CALD1: variants seen among roughly 807,000 people sequenced by gnomAD.
The protein encoded by CALD1 is caldesmon 1, also known as caldesmon.
In CALD1, 33 loss-of-function variants were observed where a neutral mutation model predicts 99.9. The observed-to-expected ratio is 0.33, with a 90% CI of 0.25 to 0.44. The LOEUF (loss-of-function observed/expected upper bound fraction) is 0.44, where lower values mean the gene tolerates loss of function less well. Ranked by LOEUF, CALD1 falls within the 20% of genes least tolerant of loss-of-function variation. CALD1 has a pLI of 1.00. For synonymous variants in CALD1, 310 were observed against 325.0 expected (o/e 0.95, Z 0.50); for missense variants, 861 against 962.1 (o/e 0.89, Z 1.39).
intron 3 of CALD1, among the ~76,000 whole-genome samples, chr7:134,903,273 C>T (rs1232887836): frequency 3.3e-5 from 5 of 151,974 alleles, no homozygotes; most frequent in Admixed American, 3.3e-4. Flanking sequence ...CAAGAGTGAA[C>T]CCTAATGTAA....
the CALD1 span, among the ~76,000 whole-genome samples, chr7:134,724,337 C>A: frequency 6.6e-6 from 1 of 152,130 alleles, no homozygotes; most frequent in Non-Finnish European, 1.5e-5. Flanking sequence ...TGGGAAAGGC[C>A]TTTGAGAAGG....
intron 4 of CALD1, among the ~76,000 whole-genome samples, chr7:134,931,586 A>C (rs1805524082): frequency 6.6e-6 from 1 of 152,214 alleles, no homozygotes; most frequent in South Asian, 2.1e-4. Flanking sequence ...GTTTGGTCTG[A>C]ACTATGAAAT....
chr7:134,886,210 G>A (rs1801845252), intron 3 of CALD1, among the ~76,000 whole-genome samples: 1 of 152,176 alleles, frequency 6.6e-6, no homozygotes, highest in Non-Finnish European at 1.5e-5. Context: ...GCAAACAAGA[G>A]TGGGCTCAAG....
chr7:134,786,837 C>T (rs1480684170), intron 1 of CALD1, among the ~76,000 whole-genome samples: 3 of 152,204 alleles, frequency 2.0e-5, no homozygotes, highest in Non-Finnish European at 4.4e-5. Flanking sequence ...TTATACAATG[C>T]TGCCCAATCT....
At chr7:134,930,202 T>C (rs977094044) in intron 4 of CALD1, among the ~76,000 whole-genome samples, 4 of 152,178 alleles carry the variant, frequency 2.6e-5, no homozygotes, top group Non-Finnish European at 5.9e-5. Context: ...ATCAGGGAAC[T>C]TGAGAATGCC....
chr7:134,732,356 T>G, the CALD1 span, among the ~76,000 whole-genome samples: 1 of 152,222 alleles, frequency 6.6e-6, no homozygotes, highest in Admixed American at 6.5e-5. Flanking sequence ...CTGGTGAAAT[T>G]CATATGTTGA....
At chr7:134,811,097 G>T (rs1001729157) in intron 1 of CALD1, among the ~76,000 whole-genome samples, 5 of 152,118 alleles carry the variant, frequency 3.3e-5, no homozygotes, top group Admixed American at 3.3e-4. Flanking sequence ...GACCAATAGG[G>T]TTTACTACTC....
rs1451926997 is a variant in CALD1, at chr7:134,933,565, G to C, written c.796G>C (p.Glu266Gln). 1.2e-6 allele frequency: 2 copies of C among 1,613,712 alleles called. No individual in the cohort carries two copies. Among genetic ancestry groups the C allele is most frequent in the Admixed American group, 1.7e-5 (1 of 59,958 alleles). ...KMEEEDKERA[E>Q]AERARLEAEE... ...GGAAGAGGAAGACAAGGAAAGAGCT[G>C]AGGCAGAGAGGGCAAGGTTGGAAGC... is the stretch of plus-strand genomic sequence containing the variant. Residue 266 changes from glutamate (E) to glutamine (Q), a missense_variant, in exon 5 of 15, where the codon GAG becomes CAG. Coordinates refer to ENST00000361675, the MANE Select transcript of CALD1 (RefSeq NM_033138.4).
chr7:134,795,173 G>A (rs1797699869), intron 1 of CALD1, among the ~76,000 whole-genome samples: 1 of 151,956 alleles, frequency 6.6e-6, no homozygotes, highest in African/African-American at 2.4e-5. Context: ...ATTAAAGAAT[G>A]AGGAAAGAAG....
intron 3 of CALD1, among the ~76,000 whole-genome samples, chr7:134,887,247 C>A (rs1375224211): frequency 6.6e-6 from 1 of 152,106 alleles, no homozygotes; most frequent in Non-Finnish European, 1.5e-5. Flanking sequence ...ACACGTTCAA[C>A]GCCATGGCAG....
At chr7:134,753,394 C>T (rs905425264) in intron 1 of CALD1, among the ~76,000 whole-genome samples, 1 of 152,168 alleles carries the variant, frequency 6.6e-6, no homozygotes, top group African/African-American at 2.4e-5. Context: ...GCTTTGTATG[C>T]CTCACCTCTG....
the CALD1 span, among the ~76,000 whole-genome samples, chr7:134,712,064 AGGGAGGGAAGTT>A: frequency 3.2e-5 from 2 of 62,452 alleles, no homozygotes; most frequent in African/African-American, 6.8e-5. Flanking sequence ...GGAGGGAGGG[AGGGAGGGAAGTT>A]GGGAAAGAGG....
chr7:134,856,289 A>G (rs1362216800), intron 2 of CALD1, among the ~76,000 whole-genome samples: 1 of 152,202 alleles, frequency 6.6e-6, no homozygotes, highest in East Asian at 1.9e-4. Context: ...AGGAATGCCC[A>G]TGGCAACCTC....
chr7:134,939,836 T>A (rs1792298686), intron 6 of CALD1, among the ~76,000 whole-genome samples: 1 of 152,026 alleles, frequency 6.6e-6, no homozygotes, highest in Non-Finnish European at 1.5e-5. Flanking sequence ...TGGTGTTGCA[T>A]GCCTGTAATC....
chr7:134,746,924 G>A (rs911838772), intron 1 of CALD1, among the ~76,000 whole-genome samples: 2 of 152,218 alleles, frequency 1.3e-5, no homozygotes, highest in African/African-American at 4.8e-5. Flanking sequence ...TGTTGAAGAT[G>A]TAGCCTGGTT....
intron 11 of CALD1, among the ~76,000 whole-genome samples, chr7:134,958,851 G>A (rs1038782352): frequency 2.1e-5 from 3 of 140,274 alleles, no homozygotes; most frequent in Non-Finnish European, 3.1e-5. Context: ...TTTTTGTAAC[G>A]AATGGGTTTA....
rs1001272614 is a variant in CALD1, at chr7:134,749,982, C to T, written c.-130+5619C>T. 1.3e-3 allele frequency among the ~76,000 whole-genome samples: 195 copies of T among 152,110 alleles called. 6 individuals are homozygous for T. Among genetic ancestry groups the T allele is most frequent in the Admixed American group, 0.013 (194 of 15,266 alleles). On this transcript the variant is annotated intron_variant, in intron 1 of 13. Transcript: ENST00000417172. The stretch of plus-strand genomic sequence containing the variant: ...GGAACCATAGAAACTTCAGGGAGGG[C>T]TCCCAGAAAGCTGCTGGGCTGGTGT...
At chr7:134,890,394 C>A (rs941735999) in intron 3 of CALD1, among the ~76,000 whole-genome samples, 2 of 152,248 alleles carry the variant, frequency 1.3e-5, no homozygotes, top group African/African-American at 2.4e-5. Context: ...TCCTTGTCTG[C>A]GTGTGACATG....
intron 3 of CALD1, among the ~76,000 whole-genome samples, chr7:134,884,404 G>A (rs1281851721): frequency 6.6e-6 from 1 of 152,136 alleles, no homozygotes; most frequent in Non-Finnish European, 1.5e-5. Context: ...TGAAGAAGTC[G>A]CTATTGACTA....
Sources: allele counts gnomAD v4.1 joint callset (sites outside exome capture counted in the v4.1 genomes callset), GRCh38; gene constraint gnomAD v4.1.1; transcripts MANE v1.5; gene names NCBI Gene and HGNC (gene_info 2026-07-23, HGNC 2026-07-21).